Variants in C1D observed in about 807,000 individuals in gnomAD.
C1D encodes C1D nuclear receptor corepressor.
A neutral mutation model predicts 17.5 loss-of-function variants in C1D; 10 were observed. The observed-to-expected ratio is 0.57, with a 90% CI of 0.35 to 0.97. C1D has a LOEUF of 0.97. C1D is among the 50% of genes least tolerant of loss of function. The pLI is 0.01. For synonymous variants in C1D, 49 were observed against 54.0 expected (o/e 0.91, Z 0.40); for missense variants, 136 against 160.1 (o/e 0.85, Z 0.81).
In C1D at chr2:68,042,042, A is replaced by T. The variant is rs1433379108; in HGVS notation, c.*847T>A. 6.6e-6 allele frequency: 1 copy of T among 152,042 alleles called. No individual in the cohort carries two copies. Among genetic ancestry groups the T allele is most frequent in the African/African-American group, 2.4e-5 (1 of 41,428 alleles). The allele number at this position is 152,042 out of a possible 1,614,324, so 9.4% of individuals were successfully genotyped here. ...ATGTACTTGATACAGCCTCAAAAAC[A>T]TGAAATAAAAAAAATCTGAAAAAAA... is the stretch of plus-strand genomic sequence containing the variant. On this transcript the variant is annotated 3_prime_UTR_variant, in exon 5 of 5. Coordinates refer to ENST00000410067, the MANE Select transcript of C1D (RefSeq NM_173177.3).
intron 1 of C1D, among the ~76,000 whole-genome samples, chr2:68,061,553 G>T (rs1448749359): frequency 6.6e-6 from 1 of 152,004 alleles, no homozygotes; most frequent in Non-Finnish European, 1.5e-5. Flanking sequence ...AAAACATATG[G>T]AAGTTGATTA....
intron 1 of C1D, among the ~76,000 whole-genome samples, chr2:68,058,738 T>G (rs1240434974): frequency 6.6e-6 from 1 of 152,162 alleles, no homozygotes; most frequent in Non-Finnish European, 1.5e-5. Flanking sequence ...CAGCCTTAAC[T>G]CCCATCTTTA....
At chr2:68,052,745 GA>G (rs1671326325) in intron 1 of C1D, among the ~76,000 whole-genome samples, 2 of 152,254 alleles carry the variant, frequency 1.3e-5, no homozygotes, top group Admixed American at 6.5e-5. Flanking sequence ...TCTATTATGA[GA>G]AATTCCTCCT....
At chr2:68,046,515 GTA>G (rs1452066392) in intron 2 of C1D, 105 bp from the exon 3 acceptor site, 58 of 718,496 alleles carry the variant, frequency 8.1e-5, no homozygotes, top group Non-Finnish European at 9.3e-6. Flanking sequence ...CAAGTACAAT[GTA>G]TCAAAGAAGT....
chr2:68,046,510 A>G (rs1671126059), intron 2 of C1D, 100 bp from the exon 3 acceptor site: 2 of 748,876 alleles, frequency 2.7e-6, no homozygotes, highest in Non-Finnish European at 4.5e-6. Flanking sequence ...TTTACCAAGT[A>G]CAATGTATCA....
At chr2:68,049,106 A>T (rs1036452829) in intron 1 of C1D, among the ~76,000 whole-genome samples, 3 of 151,972 alleles carry the variant, frequency 2.0e-5, no homozygotes, top group African/African-American at 7.2e-5. Context: ...CTGAGGCAGG[A>T]GAACTGCTTG....
At chr2:68,059,646 A>T (rs571701717) in intron 1 of C1D, among the ~76,000 whole-genome samples, 96 of 152,282 alleles carry the variant, frequency 6.3e-4, no homozygotes, top group African/African-American at 2.3e-3. Flanking sequence ...ATTTCACCTG[A>T]TCCATCAGCT....
chr2:68,057,314 A>ATT (rs373349108), intron 1 of C1D, among the ~76,000 whole-genome samples: 117 of 140,582 alleles, frequency 8.3e-4, no homozygotes, highest in Middle Eastern at 3.8e-3. Context: ...ACACCTTGCT[A>ATT]TTTTTTTTTT....
intron 1 of C1D, among the ~76,000 whole-genome samples, chr2:68,052,003 C>G (rs976160576): frequency 2.6e-5 from 4 of 151,786 alleles, no homozygotes; most frequent in Non-Finnish European, 5.9e-5. Context: ...TAAACTATAA[C>G]AAAATATTGG....
At chr2:68,044,790 T>C (rs566109180) in intron 4 of C1D, among the ~76,000 whole-genome samples, 1 of 152,298 alleles carries the variant, frequency 6.6e-6, no homozygotes, top group East Asian at 1.9e-4. Flanking sequence ...AGAATATTAA[T>C]GTACTACTTC....
rs180754879 is a variant in C1D, at chr2:68,041,585, C to T, written c.*1304G>A. 1 of 152,092 alleles carries T rather than the reference C, an allele frequency of 6.6e-6. No homozygotes were observed. Among genetic ancestry groups the T allele is most frequent in the Non-Finnish European group, 1.5e-5 (1 of 67,854 alleles). The allele number at this position is 152,092 out of a possible 1,614,324, so 9.4% of individuals were successfully genotyped here. A position where few individuals can be genotyped will look rare whatever the true frequency, so the allele number is the denominator to read the frequency against. ...AACTGACATCAGAGACAGAAAAGAC[C>T]TTCTGCGTCTATCAGTGACTTCCTC... On this transcript the variant is annotated 3_prime_UTR_variant, in exon 5 of 5. Transcript: ENST00000410067.
At chr2:68,054,188 C>A (rs1015525248) in intron 1 of C1D, among the ~76,000 whole-genome samples, 1 of 152,090 alleles carries the variant, frequency 6.6e-6, no homozygotes, top group African/African-American at 2.4e-5. Flanking sequence ...CTCAGAAGTC[C>A]CAGTTTGAAC....
rs1172308316 is a variant in C1D at position 68,045,610 on chromosome 2, A to T, written c.261+378T>A. ...AAAATGAATTAATGGAGGAATTGAAAAGGTGGGAGGGAGAAACTTTCCCGT... is the reference window on the plus strand; with the variant it reads ...AAAATGAATTAATGGAGGAATTGAATAGGTGGGAGGGAGAAACTTTCCCGT... On this transcript the variant is annotated intron_variant, in intron 4 of 4. Coordinates refer to ENST00000410067, the MANE Select transcript of C1D (RefSeq NM_173177.3). Among the ~76,000 whole-genome samples the T allele has an allele frequency of 3.9e-5, 6 of 152,156 alleles. 1 individual carries two copies. Among genetic ancestry groups the T allele is most frequent in the Admixed American group, 3.3e-4 (5 of 15,282 alleles).
Position 68,042,727 on chromosome 2 carries a change from T to C in C1D, c.*162A>G. ...CCTCAGTGCTAATCAATAAAGATAA[T>C]GATCTTTGGAGAGGAAAGTATTTAG... On this transcript the variant is annotated 3_prime_UTR_variant, in exon 5 of 5. Transcript: ENST00000410067. 2.0e-6 allele frequency: 1 copy of C among 492,718 alleles called. No individual in the cohort carries two copies. Among genetic ancestry groups the C allele is most frequent in the Non-Finnish European group, 3.8e-6 (1 of 264,558 alleles). The allele number at this position is 492,718 out of a possible 1,614,324, so 30.5% of individuals were successfully genotyped here.
At chr2:68,050,716 T>A (rs1671256153) in intron 1 of C1D, among the ~76,000 whole-genome samples, 1 of 152,210 alleles carries the variant, frequency 6.6e-6, no homozygotes, top group African/African-American at 2.4e-5. Context: ...CTGAGGGTTT[T>A]AAATTGCTTT....
At chr2:68,058,858 G>A (rs746536651) in intron 1 of C1D, among the ~76,000 whole-genome samples, 2 of 152,140 alleles carry the variant, frequency 1.3e-5, no homozygotes, top group African/African-American at 2.4e-5. Context: ...CCGAACATGG[G>A]GCATTAGCAA....
At chr2:68,047,362 C>T in intron 1 of C1D, 43 bp from the exon 2 acceptor site, 2 of 1,510,912 alleles carry the variant, frequency 1.3e-6, no homozygotes, top group Non-Finnish European at 1.8e-6. Flanking sequence ...AGAGACAGAG[C>T]TTGTTCTTTA....
In C1D at chr2:68,043,013, G is replaced by A. The variant is rs905393821; in HGVS notation, c.302C>T (p.Thr101Ile). 6.2e-7 allele frequency: 1 copy of A among 1,609,778 alleles called. No homozygotes were observed. Among genetic ancestry groups the A allele is most frequent in the African/African-American group, 1.3e-5 (1 of 74,324 alleles). The part of the protein sequence containing the change: ...RVYMNRVKEI[T>I]DKKKAGKLDR... ...CAGCTTGCCAGCCTTTTTCTTGTCTGTTATTTCCTTGACTCTGTTCATATA... is the reference window on the plus strand; with the variant it reads ...CAGCTTGCCAGCCTTTTTCTTGTCTATTATTTCCTTGACTCTGTTCATATA... Residue 101 changes from threonine (T) to isoleucine (I), a missense_variant, in exon 5 of 5, where the codon ACA becomes ATA. Transcript: ENST00000410067.
At chr2:68,051,796 TCA>T (rs1671290602) in intron 1 of C1D, among the ~76,000 whole-genome samples, 2 of 152,166 alleles carry the variant, frequency 1.3e-5, no homozygotes, top group Admixed American at 1.3e-4. Flanking sequence ...TATTGGTATC[TCA>T]CTCTTAACCA....
Sources: gnomAD v4.1 joint callset for allele counts (sites outside exome capture counted in the v4.1 genomes callset) on GRCh38, gnomAD v4.1.1 for gene constraint, MANE v1.5 for transcripts, NCBI Gene and HGNC (gene_info 2026-07-23, HGNC 2026-07-21) for gene names.